The following HHAT variants were observed in gnomAD, a reference collection of about 807,000 sequenced individuals.
HHAT encodes the protein hedgehog acyltransferase.
A neutral mutation model predicts 70.8 loss-of-function variants in HHAT; 47 were observed. That is an observed-to-expected ratio of 0.66 (90% confidence interval 0.53 to 0.85). The LOEUF (loss-of-function observed/expected upper bound fraction) is 0.85. Ranked by LOEUF, HHAT falls within the 40% of genes least tolerant of loss-of-function variation. The pLI is 0.00. For synonymous variants in HHAT, 228 were observed against 247.6 expected, an observed-to-expected ratio of 0.92 and a Z score of 0.74; for missense variants, 609 against 604.8, an observed-to-expected ratio of 1.01 and a Z score of -0.07.
At chr1:210,365,564 T>G (rs2088862270) in intron 3 of HHAT, among the ~76,000 whole-genome samples, 1 of 152,026 alleles carries the variant, frequency 6.6e-6, no homozygotes, top group Non-Finnish European at 1.5e-5. Flanking sequence ...GTGATCCACC[T>G]GCATTGGCCT....
Position 210,623,645 on chromosome 1 carries a change from C to G in HHAT, c.1365C>G (p.Thr455=). ...VFLGGNEVGK[T]YWNRIFIQGW... The stretch of plus-strand genomic sequence containing the variant: ...TTGGGGGCAATGAGGTTGGGAAAAC[C>G]TACTGGAATAGGATCTTCATACAAG... The change falls in exon 11 of 12, where the codon ACC becomes ACG. Residue 455 remains threonine (T), a synonymous_variant. Coordinates refer to ENST00000261458, the MANE Select transcript of HHAT (RefSeq NM_018194.6). The G allele has an allele frequency of 6.2e-7, 1 of 1,614,030 alleles. No homozygotes were observed. Among genetic ancestry groups the G allele is most frequent in the Non-Finnish European group, 8.5e-7 (1 of 1,179,966 alleles).
At chr1:210,467,939 A>G (rs1268263238) in intron 8 of HHAT, among the ~76,000 whole-genome samples, 2 of 152,198 alleles carry the variant, frequency 1.3e-5, no homozygotes, top group African/African-American at 2.4e-5. Flanking sequence ...AAAATTGGCC[A>G]TTACCAGAGA....
At chr1:210,551,910 A>G (rs1167040095) in intron 9 of HHAT, among the ~76,000 whole-genome samples, 1 of 152,222 alleles carries the variant, frequency 6.6e-6, no homozygotes, top group Non-Finnish European at 1.5e-5. Flanking sequence ...TTTGTGCCTC[A>G]GTGATGATTT....
intron 11 of HHAT, among the ~76,000 whole-genome samples, chr1:210,651,101 T>C (rs1177700152): frequency 6.6e-6 from 1 of 152,130 alleles, no homozygotes; most frequent in Non-Finnish European, 1.5e-5. Context: ...AAGAGAACAC[T>C]TGGTAAGAAT....
intron 8 of HHAT, among the ~76,000 whole-genome samples, chr1:210,493,250 A>G (rs939700445): frequency 6.6e-6 from 1 of 152,030 alleles, no homozygotes; most frequent in Admixed American, 6.5e-5. Flanking sequence ...ATGTATGTGC[A>G]TGTATATATA....
At chr1:210,454,319 C>T (rs948065104) in intron 7 of HHAT, among the ~76,000 whole-genome samples, 2 of 152,218 alleles carry the variant, frequency 1.3e-5, no homozygotes, top group South Asian at 2.1e-4. Context: ...TTCGGGAGGC[C>T]GAGGTGGGCA....
intron 10 of HHAT, among the ~76,000 whole-genome samples, chr1:210,616,325 C>T (rs1041126450): frequency 1.3e-5 from 2 of 152,256 alleles, no homozygotes; most frequent in South Asian, 2.1e-4. Context: ...CTTTGACCAG[C>T]CAACATCTCT....
At chr1:210,647,836 T>C (rs1050626021) in intron 11 of HHAT, among the ~76,000 whole-genome samples, 3 of 152,262 alleles carry the variant, frequency 2.0e-5, no homozygotes, top group African/African-American at 7.2e-5. Context: ...CTTAAAATGC[T>C]ATACAACTTT....
chr1:210,477,730 G>T (rs778684808), intron 8 of HHAT, among the ~76,000 whole-genome samples: 1 of 152,160 alleles, frequency 6.6e-6, no homozygotes, highest in Non-Finnish European at 1.5e-5. Context: ...TGGCGCCTGG[G>T]TTGTGATTAG....
intron 3 of HHAT, among the ~76,000 whole-genome samples, chr1:210,373,859 A>C (rs918943296): frequency 1.3e-5 from 2 of 152,200 alleles, no homozygotes; most frequent in African/African-American, 4.8e-5. Context: ...TCTCCCAACT[A>C]TGTGGCTGAG....
upstream of HHAT, chr1:210,328,340 C>T (rs1345263692): frequency 6.6e-6 from 1 of 152,250 alleles, no homozygotes; most frequent in Non-Finnish European, 1.5e-5. Context: ...ACTCTTTTCA[C>T]AACGCAATCA....
intron 8 of HHAT, among the ~76,000 whole-genome samples, chr1:210,479,850 T>C (rs1018227107): frequency 2.6e-5 from 4 of 151,968 alleles, no homozygotes; most frequent in African/African-American, 9.7e-5. Flanking sequence ...TTTAAGGGAG[T>C]TATGTAATGA....
At chr1:210,410,057 A>ATT (rs111584710) in intron 6 of HHAT, among the ~76,000 whole-genome samples, 42 of 145,788 alleles carry the variant, frequency 2.9e-4, no homozygotes, top group African/African-American at 3.5e-4. Flanking sequence ...CAAATTTTGG[A>ATT]TTTTTTTTTT....
At chr1:210,505,880 C>T (rs755692916) in intron 8 of HHAT, among the ~76,000 whole-genome samples, 1 of 152,172 alleles carries the variant, frequency 6.6e-6, no homozygotes, top group Non-Finnish European at 1.5e-5. Flanking sequence ...GTATTTGCCA[C>T]TCCTGGCCAT....
chr1:210,510,117 G>C (rs1032919349), intron 8 of HHAT, among the ~76,000 whole-genome samples: 3 of 152,156 alleles, frequency 2.0e-5, no homozygotes, highest in African/African-American at 7.2e-5. Context: ...ATGCAGAAAT[G>C]GTTTTGAATA....
intron 7 of HHAT, among the ~76,000 whole-genome samples, chr1:210,425,379 C>A (rs113037893): frequency 6.6e-6 from 1 of 152,128 alleles, no homozygotes; most frequent in Non-Finnish European, 1.5e-5. Context: ...GCTTTTGTTG[C>A]AATTGCTTTT....
At chr1:210,345,807 G>GGT (rs1019601623) in intron 1 of HHAT, among the ~76,000 whole-genome samples, 1 of 152,172 alleles carries the variant, frequency 6.6e-6, no homozygotes, top group Admixed American at 6.5e-5. Context: ...CACTAAGCTG[G>GGT]GTGCAGTGGC....
intron 9 of HHAT, among the ~76,000 whole-genome samples, chr1:210,537,029 TA>T (rs575562863): frequency 5.1e-4 from 73 of 143,876 alleles, no homozygotes; most frequent in Middle Eastern, 3.6e-3. Flanking sequence ...AAAGAAGGTG[TA>T]AAAAAAAAAA....
At chr1:210,647,025 G>A (rs961922884) in intron 11 of HHAT, among the ~76,000 whole-genome samples, 3 of 152,198 alleles carry the variant, frequency 2.0e-5, no homozygotes, top group Non-Finnish European at 4.4e-5. Context: ...GAACTGCTGT[G>A]GCAAAGACCA....
Sources: allele counts gnomAD v4.1 joint callset (sites outside exome capture counted in the v4.1 genomes callset), GRCh38; gene constraint gnomAD v4.1.1; transcripts MANE v1.5; gene names NCBI Gene and HGNC (gene_info 2026-07-23, HGNC 2026-07-21).